The following CERS6 variants were observed in gnomAD, a reference collection of about 807,000 sequenced individuals.
CERS6 encodes the protein LAG1 homolog, ceramide synthase 6.
Under a neutral mutation model 56.8 loss-of-function variants are expected in CERS6, and 26 were observed. The ratio of observed to expected loss-of-function variants is 0.46; its 90% confidence interval spans 0.34 to 0.63. CERS6 has a LOEUF of 0.63. CERS6 is among the 30% of genes least tolerant of loss of function. The probability of loss-of-function intolerance (pLI) is 0.01; values close to 1 mark genes in which losing one functional copy is unlikely to be tolerated. For missense variants in CERS6, 415 were observed against 467.5 expected (o/e 0.89, Z 1.04); for synonymous variants, 164 against 173.3 (o/e 0.95, Z 0.42).
chr2:168,632,046 C>T (rs1157241350), intron 4 of CERS6, among the ~76,000 whole-genome samples: 1 of 151,300 alleles, frequency 6.6e-6, no homozygotes, highest in Non-Finnish European at 1.5e-5. Flanking sequence ...GGACCGAAAT[C>T]TATGAAAGTA....
chr2:168,607,658 G>T (rs2105269546), intron 3 of CERS6, among the ~76,000 whole-genome samples: 1 of 152,308 alleles, frequency 6.6e-6, no homozygotes. Flanking sequence ...GGGATTACAG[G>T]CGTGAGCCAC....
chr2:168,718,775 T>A (rs1039031395), intron 8 of CERS6, among the ~76,000 whole-genome samples: 2 of 152,216 alleles, frequency 1.3e-5, no homozygotes, highest in Non-Finnish European at 2.9e-5. Context: ...GCCTTCTAAC[T>A]GTTAGATCGT....
intron 3 of CERS6, among the ~76,000 whole-genome samples, chr2:168,585,009 T>C (rs1683507536): frequency 6.6e-6 from 1 of 152,230 alleles, no homozygotes; most frequent in African/African-American, 2.4e-5. Context: ...TCATCTCCTG[T>C]CTTAAGGATT....
chr2:168,500,175 C>T (rs1476448568), intron 1 of CERS6, among the ~76,000 whole-genome samples: 3 of 152,114 alleles, frequency 2.0e-5, no homozygotes, highest in Non-Finnish European at 4.4e-5. Flanking sequence ...ATTCATATGA[C>T]ATTTTAAATA....
intron 1 of CERS6, among the ~76,000 whole-genome samples, chr2:168,516,631 T>G (rs1008706268): frequency 1.3e-5 from 2 of 152,178 alleles, no homozygotes; most frequent in Non-Finnish European, 2.9e-5. Flanking sequence ...TAGGTGTAAG[T>G]TTCTTGGCGG....
intron 4 of CERS6, among the ~76,000 whole-genome samples, chr2:168,671,788 G>T (rs1468641593): frequency 9.2e-5 from 14 of 152,092 alleles, no homozygotes; most frequent in Non-Finnish European, 1.5e-5. Context: ...TTTTCACCCA[G>T]CTTATATTAT....
Position 168,559,733 on chromosome 2 carries a change from TCATA to T in CERS6, c.277-1458_277-1455del, listed in dbSNP as rs760467592. Among the ~76,000 whole-genome samples the T allele has an allele frequency of 1.3e-3, 84 of 66,280 alleles. 20 individuals carry two copies. The East Asian group carries it at 0.013, about 10-fold the overall frequency. 43.5% of individuals were successfully genotyped at this position (66,280 alleles called of 152,430 possible). ...TGCTTGAGCTGCTTTTAGAAAGGTATCATATATATATATATATATATTTCACCCT... is the reference window on the plus strand; with the variant it reads ...TGCTTGAGCTGCTTTTAGAAAGGTATTATATATATATATATATTTCACCCT... On this transcript the variant is annotated intron_variant, in intron 2 of 9. Transcript: ENST00000305747.
chr2:168,459,652 T>C (rs1291621408), intron 1 of CERS6, among the ~76,000 whole-genome samples: 1 of 152,030 alleles, frequency 6.6e-6, no homozygotes, highest in African/African-American at 2.4e-5. Flanking sequence ...TTCCCCCAAC[T>C]GGGCTGATTC....
intron 1 of CERS6, among the ~76,000 whole-genome samples, chr2:168,504,083 A>T (rs540657465): frequency 6.6e-6 from 1 of 152,230 alleles, no homozygotes; most frequent in South Asian, 2.1e-4. Context: ...CAAGTGAAGT[A>T]TGTCAGTAAG....
At chr2:168,559,259 T>A (rs1258649064) in intron 2 of CERS6, among the ~76,000 whole-genome samples, 1 of 151,904 alleles carries the variant, frequency 6.6e-6, no homozygotes, top group African/African-American at 2.4e-5. Flanking sequence ...AGGCACAAGG[T>A]CAGTACATTT....
At chr2:168,603,768 G>A (rs1055644835) in intron 3 of CERS6, among the ~76,000 whole-genome samples, 1 of 152,216 alleles carries the variant, frequency 6.6e-6, no homozygotes, top group Non-Finnish European at 1.5e-5. Context: ...TTGGCCTAAT[G>A]CCTGAAGAAA....
At chr2:168,657,049 C>A (rs1013410167) in intron 4 of CERS6, among the ~76,000 whole-genome samples, 3 of 147,288 alleles carry the variant, frequency 2.0e-5, no homozygotes, top group Admixed American at 2.0e-4. Context: ...CTTGAGCTAG[C>A]TACAGAGTGC....
At chr2:168,464,208 G>A (rs972262564) in intron 1 of CERS6, among the ~76,000 whole-genome samples, 1 of 151,038 alleles carries the variant, frequency 6.6e-6, no homozygotes, top group Non-Finnish European at 1.5e-5. Flanking sequence ...GTGTGTGTGT[G>A]TGTGACAAGG....
chr2:168,573,816 T>A (rs1313180628), intron 3 of CERS6, among the ~76,000 whole-genome samples: 2 of 152,116 alleles, frequency 1.3e-5, no homozygotes, highest in African/African-American at 4.8e-5. Flanking sequence ...TGGTTTTGGC[T>A]TGTATCAGGT....
chr2:168,463,145 C>A (rs899648360), intron 1 of CERS6, among the ~76,000 whole-genome samples: 15 of 152,154 alleles, frequency 9.9e-5, no homozygotes, highest in Admixed American at 1.3e-4. Context: ...TTAGGAAATA[C>A]ACTTAACTTT....
chr2:168,703,064 T>C (rs1686842982), intron 6 of CERS6, among the ~76,000 whole-genome samples: 1 of 152,224 alleles, frequency 6.6e-6, no homozygotes, highest in South Asian at 2.1e-4. Context: ...TGTATTAACA[T>C]TTAATGGAGT....
intron 1 of CERS6, among the ~76,000 whole-genome samples, chr2:168,536,105 T>G (rs1435247043): frequency 6.6e-6 from 1 of 152,194 alleles, no homozygotes; most frequent in Non-Finnish European, 1.5e-5. Flanking sequence ...GATCCTAAAT[T>G]CAAGTGGCAG....
At chr2:168,764,597 T>TA (rs574545263) in intron 8 of CERS6, among the ~76,000 whole-genome samples, 230 of 152,270 alleles carry the variant, frequency 1.5e-3, no homozygotes, top group African/African-American at 5.4e-3. Context: ...GATATAAGCC[T>TA]AGGTCTCACT....
At chr2:168,616,683 T>A (rs765944966) in intron 3 of CERS6, among the ~76,000 whole-genome samples, 11 of 152,074 alleles carry the variant, frequency 7.2e-5, no homozygotes, top group Non-Finnish European at 1.5e-4. Context: ...AACAGGAAAA[T>A]GTCACAATTC....
Sources: allele counts gnomAD v4.1 joint callset (sites outside exome capture counted in the v4.1 genomes callset), GRCh38; gene constraint gnomAD v4.1.1; transcripts MANE v1.5; gene names NCBI Gene and HGNC (gene_info 2026-07-23, HGNC 2026-07-21).